The following ATP2B1 variants were observed in gnomAD, a reference collection of about 807,000 sequenced individuals.
ATP2B1 encodes the protein plasma membrane calcium-transporting ATPase 1.
Under a neutral mutation model 124.2 loss-of-function variants are expected in ATP2B1, and 14 were observed. The observed-to-expected ratio is 0.11, with a 90% confidence interval of 0.07 to 0.18. ATP2B1 has a LOEUF of 0.18. Among genes scored for constraint, ATP2B1 ranks in the 10% least tolerant of loss-of-function variants. The probability of loss-of-function intolerance (pLI) is 1.00; values close to 1 mark genes in which losing one functional copy is unlikely to be tolerated. For synonymous variants in ATP2B1, 449 were observed against 492.4 expected (o/e 0.91, Z 1.17); for missense variants, 763 against 1,466.1 (o/e 0.52, Z 7.83).
intron 12 of ATP2B1, among the ~76,000 whole-genome samples, chr12:89,615,851 T>A (rs1194407533): frequency 2.6e-5 from 4 of 152,210 alleles, no homozygotes; most frequent in Non-Finnish European, 5.9e-5. Context: ...TTTAAAAATG[T>A]ATTTTTAAAC....
chr12:89,702,796 T>C (rs1258378710), intron 1 of ATP2B1, among the ~76,000 whole-genome samples: 3 of 152,126 alleles, frequency 2.0e-5, no homozygotes, highest in African/African-American at 4.8e-5. Flanking sequence ...ATCCCATATT[T>C]TAAGAAACCA....
In ATP2B1 at chr12:89,594,134, G is replaced by C. The variant is rs978036708; in HGVS notation, c.3352-2839C>G. 6 of 152,096 alleles carry C rather than the reference G, an allele frequency of 3.9e-5. No individual in the cohort carries two copies. The East Asian group carries it at 1.2e-3, about 29-fold the overall frequency. 9.4% of individuals were successfully genotyped at this position (152,096 alleles called of 1,614,324 possible). A position where few individuals can be genotyped will look rare whatever the true frequency, so the allele number is the denominator to read the frequency against. On this transcript the variant is annotated intron_variant, in intron 20 of 20. Coordinates refer to ENST00000428670, the MANE Select transcript of ATP2B1 (RefSeq NM_001366521.1). ...AAAGCAATTCAATTTTCAAAGAACA[G>C]TTCTCGAGATACATACAATAAAGCT...
At chr12:89,697,670 C>CTTTTTT (rs56837729) in intron 1 of ATP2B1, among the ~76,000 whole-genome samples, 1 of 131,320 alleles carries the variant, frequency 7.6e-6, no homozygotes, top group Non-Finnish European at 1.6e-5. Flanking sequence ...ATCCAAAAGG[C>CTTTTTT]TTTTTTTTTT....
In ATP2B1 at chr12:89,677,852, G is replaced by A. The variant is rs371474406; in HGVS notation, c.-221-21745C>T. 5.2e-4 allele frequency among the ~76,000 whole-genome samples: 78 copies of A among 151,194 alleles called. No homozygotes were observed. In the Middle Eastern group the frequency reaches 0.01, roughly 20 times the overall value. On this transcript the variant is annotated intron_variant, in intron 1 of 20. Transcript: ENST00000428670. The stretch of plus-strand genomic sequence containing the variant: ...GCATAAAAGACAAGTTTCAAATACC[G>A]TAACTAGATGTTCACAGAATGGGAC...
intron 3 of ATP2B1, 71 bp downstream of exon 3, chr12:89,642,087 T>A (rs754127001): frequency 4.2e-6 from 6 of 1,413,718 alleles, no homozygotes; most frequent in Middle Eastern, 1.8e-4. Context: ...CCAGCTATTA[T>A]TATTGTGCAT....
At position 89,603,466 on chromosome 12, in the gene ATP2B1, C is replaced by T. The variant is rs1316408427; in HGVS notation, c.2849-212G>A. On this transcript the variant is annotated intron_variant, in intron 17 of 20. Transcript: ENST00000428670. The surrounding 1 kb of genome is among the most constrained non-coding windows in gnomAD (Gnocchi z 4.3). ...AACTATGGTGATAATCTCAGGATCA[C>T]ATATCTAAATTAGTGGAGAGCCAGG... 1.6e-6 allele frequency: 1 copy of T among 631,654 alleles called. No homozygotes were observed. Among genetic ancestry groups the T allele is most frequent in the South Asian group, 2.1e-5 (1 of 47,796 alleles). 39.1% of individuals were successfully genotyped at this position (631,654 alleles called of 1,614,324 possible). A position where few individuals can be genotyped will look rare whatever the true frequency, so the allele number is the denominator to read the frequency against.
intron 3 of ATP2B1, among the ~76,000 whole-genome samples, chr12:89,637,990 T>C (rs922416476): frequency 2.0e-5 from 3 of 152,166 alleles, no homozygotes; most frequent in Admixed American, 2.0e-4. Flanking sequence ...TCATTTCATA[T>C]ATAGTTCTAC....
chr12:89,694,408 A>C (rs1318881574), intron 1 of ATP2B1, among the ~76,000 whole-genome samples: 1 of 152,094 alleles, frequency 6.6e-6, no homozygotes, highest in Admixed American at 6.5e-5. Flanking sequence ...ACATCCCCCA[A>C]ACCACTCAAA....
At chr12:89,666,378 C>A (rs1386191228) in intron 1 of ATP2B1, among the ~76,000 whole-genome samples, 1 of 152,160 alleles carries the variant, frequency 6.6e-6, no homozygotes, top group Non-Finnish European at 1.5e-5. Flanking sequence ...AAGCGGAGGG[C>A]CACAAGGTAA....
At chr12:89,620,898 T>A (rs913341184) in intron 10 of ATP2B1, among the ~76,000 whole-genome samples, 1 of 152,160 alleles carries the variant, frequency 6.6e-6, no homozygotes, top group Non-Finnish European at 1.5e-5. Flanking sequence ...ATCCAATTCA[T>A]GTATGTTTTC....
intron 20 of ATP2B1, chr12:89,598,702 C>G: frequency 6.2e-7 from 1 of 1,614,058 alleles, no homozygotes; most frequent in Non-Finnish European, 8.5e-7. Flanking sequence ...TTAGAGCCCC[C>G]TGAATGGAAC....
chr12:89,701,172 T>C (rs1017649069), intron 1 of ATP2B1, among the ~76,000 whole-genome samples: 6 of 152,228 alleles, frequency 3.9e-5, no homozygotes, highest in Non-Finnish European at 8.8e-5. Context: ...GGTCATGATC[T>C]AACAGTTTGC....
intron 1 of ATP2B1, among the ~76,000 whole-genome samples, chr12:89,704,740 A>C (rs998609899): frequency 2.0e-5 from 3 of 152,186 alleles, no homozygotes; most frequent in African/African-American, 7.2e-5. Context: ...GTTAATAATA[A>C]TACCTGTGAT....
chr12:89,680,940 T>C (rs1443470140), intron 1 of ATP2B1, among the ~76,000 whole-genome samples: 1 of 152,154 alleles, frequency 6.6e-6, no homozygotes, highest in Non-Finnish European at 1.5e-5. Flanking sequence ...ATGTGGGAGC[T>C]GAGCTTTCCT....
chr12:89,640,935 A>G lies in ATP2B1; in HGVS notation c.406+1223T>C, dbSNP rs75903619. Among the ~76,000 whole-genome samples, 144 of 152,320 alleles carry G rather than the reference A, an allele frequency of 9.5e-4. No homozygotes were observed. In the East Asian group the frequency reaches 0.026, roughly 27 times the overall value. On this transcript the variant is annotated intron_variant, in intron 3 of 20. Coordinates refer to ENST00000428670, the MANE Select transcript of ATP2B1 (RefSeq NM_001366521.1). Reference sequence around the variant, plus strand: ...TGTACAGCCTGCAGAACCTTTTCTTATAAGTTAGCCAGTCTCAGGTATTCT... The same window carrying G: ...TGTACAGCCTGCAGAACCTTTTCTTGTAAGTTAGCCAGTCTCAGGTATTCT...
chr12:89,625,309 C>T (rs1229732329), intron 8 of ATP2B1, among the ~76,000 whole-genome samples: 1 of 151,640 alleles, frequency 6.6e-6, no homozygotes, highest in South Asian at 2.1e-4. Flanking sequence ...GGCAGCTGGG[C>T]GCAGTGGCTC....
In ATP2B1 at chr12:89,626,626, G is replaced by C. The variant is rs373262834; in HGVS notation, c.968-11C>G. The C allele has an allele frequency of 6.3e-7, 1 of 1,580,330 alleles. No homozygotes were observed. The highest frequency in any genetic ancestry group is 8.5e-7 in the Non-Finnish European group (1 of 1,169,864). Reference sequence around the variant, plus strand: ...CATCCTGGGCTTTTGCTACATTTAAGAGCAAATAGAACTTCACTATACTTT... The same window carrying C: ...CATCCTGGGCTTTTGCTACATTTAACAGCAAATAGAACTTCACTATACTTT... On this transcript the variant is annotated splice_polypyrimidine_tract_variant and intron_variant, in intron 7 of 20. Transcript: ENST00000428670.
chr12:89,656,549 T>C (rs1473157933), intron 1 of ATP2B1, among the ~76,000 whole-genome samples: 2 of 152,196 alleles, frequency 1.3e-5, no homozygotes, highest in Non-Finnish European at 2.9e-5. Context: ...TGAGGTGGAC[T>C]GTCTCCAAGC....
At chr12:89,653,572 C>T (rs1885569344) in intron 2 of ATP2B1, among the ~76,000 whole-genome samples, 1 of 152,134 alleles carries the variant, frequency 6.6e-6, no homozygotes, top group Non-Finnish European at 1.5e-5. Flanking sequence ...GCTGGGATTA[C>T]AGGCGTGAGC....
Sources: gnomAD v4.1 joint callset for allele counts (sites outside exome capture counted in the v4.1 genomes callset) on GRCh38, gnomAD v4.1.1 for gene constraint, Gnocchi (gnomAD v3.1) non-coding constraint, MANE v1.5 for transcripts, NCBI Gene and HGNC (gene_info 2026-07-23, HGNC 2026-07-21) for gene names.